Variants in NOL10 observed in about 807,000 individuals in gnomAD.
NOL10 encodes nucleolar protein 10.
Under a neutral mutation model 103.5 loss-of-function variants are expected in NOL10, and 58 were observed. That is an observed-to-expected ratio of 0.56 (90% confidence interval 0.45 to 0.70). The LOEUF (loss-of-function observed/expected upper bound fraction) is 0.70. Ranked by LOEUF, NOL10 falls within the 30% of genes least tolerant of loss-of-function variation. The probability of loss-of-function intolerance (pLI) is 0.00; values close to 1 mark genes in which losing one functional copy is unlikely to be tolerated. For missense variants in NOL10, 763 were observed against 807.3 expected (o/e 0.95, Z 0.67); for synonymous variants, 287 against 282.5 (o/e 1.02, Z -0.16).
At chr2:10,583,971 C>G (rs1213079320) in intron 19 of NOL10, among the ~76,000 whole-genome samples, 1 of 152,162 alleles carries the variant, frequency 6.6e-6, no homozygotes, top group African/African-American at 2.4e-5. Flanking sequence ...GATTGGATCC[C>G]ATTCATCTAA....
intron 8 of NOL10, among the ~76,000 whole-genome samples, chr2:10,664,928 A>T (rs897297878): frequency 6.6e-6 from 1 of 152,194 alleles, no homozygotes; most frequent in Non-Finnish European, 1.5e-5. Flanking sequence ...AGGAAACAGG[A>T]ATAGGACAGG....
intron 13 of NOL10, among the ~76,000 whole-genome samples, chr2:10,627,136 T>C (rs942326058): frequency 1.3e-5 from 2 of 152,228 alleles, no homozygotes; most frequent in Non-Finnish European, 2.9e-5. Context: ...AACAACTTGT[T>C]TGTCTTACAA....
chr2:10,611,508 G>A (rs1351235638), intron 13 of NOL10, among the ~76,000 whole-genome samples: 1 of 152,260 alleles, frequency 6.6e-6, no homozygotes, highest in African/African-American at 2.4e-5. Context: ...TAGGGGCCAG[G>A]TGCAATGGCT....
At chr2:10,655,901 A>G (rs578246521) in intron 11 of NOL10, among the ~76,000 whole-genome samples, 3 of 152,360 alleles carry the variant, frequency 2.0e-5, no homozygotes, top group Admixed American at 1.3e-4. Flanking sequence ...CAAGACTAAC[A>G]GTGAAATTCA....
chr2:10,642,756 C>T (rs34965800), intron 13 of NOL10, among the ~76,000 whole-genome samples: 32,629 of 152,030 alleles, frequency 0.21, 4,579 homozygotes, highest in East Asian at 0.44. Flanking sequence ...TCCTTCGGTC[C>T]CTCCTTCAAA....
chr2:10,679,419 C>A (rs1316773373), intron 3 of NOL10, among the ~76,000 whole-genome samples: 1 of 151,754 alleles, frequency 6.6e-6, no homozygotes, highest in Non-Finnish European at 1.5e-5. Flanking sequence ...ATATTTCTAG[C>A]CACTCAGGAA....
intron 13 of NOL10, among the ~76,000 whole-genome samples, chr2:10,636,032 C>T (rs937100784): frequency 6.6e-6 from 1 of 151,980 alleles, no homozygotes; most frequent in African/African-American, 2.4e-5. Context: ...ATTACAGGCA[C>T]GTGCCAAAGC....
At chr2:10,663,071 T>TA (rs761127635) in intron 8 of NOL10, 27 bp from the exon 9 acceptor site, 1 of 1,596,996 alleles carries the variant, frequency 6.3e-7, no homozygotes, top group African/African-American at 1.3e-5. Context: ...CAATTTTAAA[T>TA]AAAAGCTGTA....
At chr2:10,675,525 C>A (rs940960275) in intron 4 of NOL10, among the ~76,000 whole-genome samples, 1 of 152,012 alleles carries the variant, frequency 6.6e-6, no homozygotes, top group African/African-American at 2.4e-5. Flanking sequence ...CAAACTAACA[C>A]GTGGAAGCAT....
intron 13 of NOL10, among the ~76,000 whole-genome samples, chr2:10,629,610 A>C (rs1233231373): frequency 6.6e-6 from 1 of 152,206 alleles, no homozygotes; most frequent in Admixed American, 6.5e-5. Context: ...AATGAACTTC[A>C]CTTTAAAAAA....
chr2:10,586,902 T>C (rs1675052893), intron 19 of NOL10, among the ~76,000 whole-genome samples: 1 of 150,874 alleles, frequency 6.6e-6, no homozygotes, highest in South Asian at 2.1e-4. Context: ...AGTAGGCTAT[T>C]AGTAGTAAAG....
intron 19 of NOL10, among the ~76,000 whole-genome samples, chr2:10,579,092 A>G (rs1674619727): frequency 1.3e-5 from 2 of 152,204 alleles, no homozygotes; most frequent in Admixed American, 1.3e-4. Flanking sequence ...TGCTTCTTTG[A>G]AATTCTGAAG....
chr2:10,598,959 C>T (rs758405852), intron 17 of NOL10, among the ~76,000 whole-genome samples: 1 of 152,014 alleles, frequency 6.6e-6, no homozygotes, highest in Middle Eastern at 3.2e-3. Context: ...GCTAATTTTC[C>T]CACCTGACCA....
intron 1 of NOL10, 49 bp from the exon 2 acceptor site, chr2:10,684,661 GTTTTTCGGCTTGCAAAA>G (rs746718091): frequency 6.9e-7 from 1 of 1,454,992 alleles, no homozygotes; most frequent in South Asian, 1.3e-5. Context: ...TAGCTAAATT[GTTTTTCGGCTTGCAAAA>G]TCAATACATG....
chr2:10,647,193 G>A (rs868167011), intron 12 of NOL10, among the ~76,000 whole-genome samples: 68 of 152,300 alleles, frequency 4.5e-4, no homozygotes, highest in African/African-American at 1.6e-3. Flanking sequence ...TGTATAGTAC[G>A]CTGTAATAAT....
intron 17 of NOL10, among the ~76,000 whole-genome samples, chr2:10,596,402 G>C (rs1008014107): frequency 6.6e-6 from 1 of 152,132 alleles, no homozygotes; most frequent in East Asian, 1.9e-4. Flanking sequence ...CGGGAGCCTT[G>C]AGCTTGTTTT....
At chr2:10,678,570 A>G (rs1681492607) in intron 3 of NOL10, among the ~76,000 whole-genome samples, 1 of 152,196 alleles carries the variant, frequency 6.6e-6, no homozygotes, top group South Asian at 2.1e-4. Context: ...TCAAGAGGCC[A>G]GTCACTTCCG....
At chr2:10,600,092 C>A (rs188401784) in intron 17 of NOL10, among the ~76,000 whole-genome samples, 4 of 152,312 alleles carry the variant, frequency 2.6e-5, no homozygotes, top group Non-Finnish European at 4.4e-5. Context: ...GTTCTGCAGG[C>A]TGTCGCAGAG....
Position 10,659,177 on chromosome 2 carries a change from C to T in NOL10, c.751G>A (p.Gly251Arg). 6.3e-7 allele frequency: 1 copy of T among 1,598,438 alleles called. No homozygotes were observed. Among genetic ancestry groups the T allele is most frequent in the Non-Finnish European group, 8.5e-7 (1 of 1,171,182 alleles). Residue 251 changes from glycine to arginine, a missense_variant, in exon 10 of 21, where the codon GGG becomes AGG. Gly to Arg is a moderately radical substitution (Grantham distance 125). Coordinates refer to ENST00000381685, the MANE Select transcript of NOL10 (RefSeq NM_024894.4). The stretch of plus-strand genomic sequence containing the variant: ...TCCAAATTAAACATATTTACCTGCC[C>T]TGTGGTTGTTCCAACTGCCATGGTC... ...ALTMAVGTTT[G>R]QVLLYDLRSD...
Sources: gnomAD v4.1 joint callset for allele counts (sites outside exome capture counted in the v4.1 genomes callset) on GRCh38, gnomAD v4.1.1 for gene constraint, MANE v1.5 for transcripts, NCBI Gene and HGNC (gene_info 2026-07-23, HGNC 2026-07-21) for gene names.